Variants in ATP13A5 observed in about 807,000 individuals in gnomAD.
ATP13A5 encodes probable cation-transporting ATPase 13A5.
ATP13A5 carries 149 observed loss-of-function variants against 150.2 expected under a neutral mutation model. The ratio of observed to expected loss-of-function variants is 0.99; its 90% CI spans 0.87 to 1.14. ATP13A5 has a LOEUF of 1.14. Among genes scored for constraint, ATP13A5 ranks in the 50% most tolerant of loss-of-function variants. The pLI is 0.00. For synonymous variants in ATP13A5, 497 were observed against 522.2 expected (o/e 0.95, Z 0.66); for missense variants, 1,383 against 1,449.3 (o/e 0.95, Z 0.74).
chr3:193,291,728 T>C (rs956478091), intron 25 of ATP13A5, among the ~76,000 whole-genome samples: 6 of 151,912 alleles, frequency 3.9e-5, no homozygotes, highest in African/African-American at 7.3e-5. Context: ...CAGTTGAGCT[T>C]CCCTGGTTGG....
At chr3:193,376,425 T>C (rs1274588994) in intron 1 of ATP13A5, among the ~76,000 whole-genome samples, 1 of 152,204 alleles carries the variant, frequency 6.6e-6, no homozygotes. Flanking sequence ...TTAACCAGAC[T>C]GGTCTTGAAC....
chr3:193,335,060 A>G lies in ATP13A5; in HGVS notation c.983T>C (p.Met328Thr), dbSNP rs771680515. 6.2e-7 allele frequency: 1 copy of G among 1,613,890 alleles called. No individual in the cohort carries two copies. Among genetic ancestry groups the G allele is most frequent in the East Asian group, 2.2e-5 (1 of 44,884 alleles). The change falls in exon 10 of 30, where the codon ATG becomes ACG. Residue 328 changes from methionine (M) to threonine (T), a missense_variant. Transcript: ENST00000342358. ...IPVTKTPLPQMENTMPWKCHS... is the reference protein window; with the variant it reads ...IPVTKTPLPQTENTMPWKCHS... ...ACATTTCCAAGGCATAGTGTTCTCCATCTGGGGCAATGGTGTCTTTGTAAC... is the reference window on the plus strand; with the variant it reads ...ACATTTCCAAGGCATAGTGTTCTCCGTCTGGGGCAATGGTGTCTTTGTAAC...
intron 6 of ATP13A5, among the ~76,000 whole-genome samples, chr3:193,353,652 A>G (rs546800890): frequency 6.6e-6 from 1 of 152,306 alleles, no homozygotes; most frequent in South Asian, 2.1e-4. Context: ...CCTTGTAGGA[A>G]GAGGAAGAGA....
chr3:193,275,408 G>T (rs961593653), intron 29 of ATP13A5, 106 bp from the exon 30 acceptor site: 1 of 1,305,702 alleles, frequency 7.7e-7, no homozygotes, highest in Non-Finnish European at 1.1e-6. Flanking sequence ...CCTCTGAGGT[G>T]TGCTCATTGC....
chr3:193,301,067 C>A, intron 24 of ATP13A5, 144 bp downstream of exon 24: 1 of 709,348 alleles, frequency 1.4e-6, no homozygotes, highest in Non-Finnish European at 2.5e-6. Flanking sequence ...ACAGTTACAC[C>A]AGGTTCCTGA....
intron 26 of ATP13A5, among the ~76,000 whole-genome samples, chr3:193,285,801 T>C (rs1462174084): frequency 6.6e-6 from 1 of 152,188 alleles, no homozygotes; most frequent in Non-Finnish European, 1.5e-5. Context: ...CAAACACCTC[T>C]GCATCTGAAA....
chr3:193,362,617 C>G lies in ATP13A5; in HGVS notation c.405G>C (p.Gln135His). ...PELKLRCMEV[Q>H]KIRYVWNDLE... ...GGTCGTTCCAAACATACCTGATTTT[C>G]TGCACTTCCATGCACCGCAGCTACG... The change falls in exon 4 of 30, where the codon CAG becomes CAC. Residue 135 changes from glutamine (Q) to histidine (H), a missense_variant. This residue lies in a region of ATP13A5 where 787 missense variants were observed against 771.9 expected (regional missense o/e 1.02). Transcript: ENST00000342358. 6.2e-7 allele frequency: 1 copy of G among 1,614,206 alleles called. No individual in the cohort carries two copies. Among genetic ancestry groups the G allele is most frequent in the South Asian group, 1.1e-5 (1 of 91,086 alleles).
Position 193,362,357 on chromosome 3 carries a change from C to G in ATP13A5, c.536+24G>C, listed in dbSNP as rs781775880. On this transcript the variant is annotated intron_variant, in intron 5 of 29. Coordinates refer to ENST00000342358, the MANE Select transcript of ATP13A5 (RefSeq NM_198505.4). ...TCATTTTCTGCTGGCAGAGTTTACT[C>G]TTAAGGCATATAATAAGTCCTACCT... 3 of 1,599,174 alleles carry G rather than the reference C, an allele frequency of 1.9e-6. No individual in the cohort carries two copies. In the South Asian group the frequency reaches 3.3e-5, roughly 18 times the overall value.
At chr3:193,378,530 T>G in intron 1 of ATP13A5, 133 bp downstream of exon 1, 2 of 795,882 alleles carry the variant, frequency 2.5e-6, no homozygotes, top group Non-Finnish European at 4.1e-6. Context: ...TAAGGAACCT[T>G]ACCAGACTGA....
chr3:193,308,413 TG>T (rs1228444128), intron 21 of ATP13A5, among the ~76,000 whole-genome samples: 1 of 152,102 alleles, frequency 6.6e-6, no homozygotes, highest in African/African-American at 2.4e-5. Flanking sequence ...GAGCCGATAT[TG>T]CACCGCTGCA....
chr3:193,344,422 C>T (rs59274014), intron 8 of ATP13A5, among the ~76,000 whole-genome samples: 1,524 of 152,254 alleles, frequency 0.01, 22 homozygotes, highest in African/African-American at 0.035. Flanking sequence ...TGAGGCCTTA[C>T]TTAAATTGCC....
In ATP13A5 at chr3:193,285,095, T is replaced by G. The variant is rs145171636; in HGVS notation, c.3045A>C (p.Gln1015His). 693 of 1,613,800 alleles carry G rather than the reference T, an allele frequency of 4.3e-4. 2 individuals are homozygous for G. The African/African-American group carries it at 7.6e-3, about 18-fold the overall frequency. ...AACTCACATTTGTTGAAAAATTACT[T>G]TGGTTGGCCAGAAAACACTCACTAC... ...YQYSECFLAN[Q>H]SNFSTNVSLE... The change falls in exon 27 of 30, where the codon CAA (glutamine) becomes CAC (histidine). Residue 1015 changes from glutamine to histidine, a missense_variant. Coordinates refer to ENST00000342358, the MANE Select transcript of ATP13A5 (RefSeq NM_198505.4).
intron 5 of ATP13A5, among the ~76,000 whole-genome samples, chr3:193,358,179 C>A (rs543971118): frequency 6.6e-6 from 1 of 152,118 alleles, no homozygotes; most frequent in Non-Finnish European, 1.5e-5. Flanking sequence ...CAGGCAGGGA[C>A]GTCTATAGTT....
At chr3:193,316,390 T>C (rs1439526741) in intron 17 of ATP13A5, among the ~76,000 whole-genome samples, 1 of 152,074 alleles carries the variant, frequency 6.6e-6, no homozygotes, top group Non-Finnish European at 1.5e-5. Flanking sequence ...TTAAAAACAT[T>C]CTATTTTTAA....
At chr3:193,290,477 G>T (rs1717907168) in intron 25 of ATP13A5, among the ~76,000 whole-genome samples, 1 of 152,022 alleles carries the variant, frequency 6.6e-6, no homozygotes, top group Non-Finnish European at 1.5e-5. Context: ...AATATAGCCA[G>T]ATTCATCTTC....
At chr3:193,340,128 C>T (rs1236049147) in intron 9 of ATP13A5, among the ~76,000 whole-genome samples, 1 of 152,184 alleles carries the variant, frequency 6.6e-6, no homozygotes, top group Non-Finnish European at 1.5e-5. Flanking sequence ...ACCATCATTG[C>T]TCATAATCAA....
rs762448028 is a variant in ATP13A5, at chr3:193,314,980, A to AT, written c.2149dup (p.Met717AsnfsTer5). 5 of 1,613,330 alleles carry AT rather than the reference A, an allele frequency of 3.1e-6. No individual in the cohort carries two copies. Among genetic ancestry groups the AT allele is most frequent in the Non-Finnish European group, 8.5e-7 (1 of 1,179,576 alleles). On this transcript the variant is annotated frameshift_variant, in exon 18 of 30. Transcript: ENST00000342358. LOFTEE classifies it high-confidence loss of function. ...TAGAAACAAATACATACCTGTAATC[A>AT]TCACAGTCCTGATACGGGCCTCACT...
At chr3:193,321,155 A>T (rs1719260109) in intron 16 of ATP13A5, among the ~76,000 whole-genome samples, 1 of 152,072 alleles carries the variant, frequency 6.6e-6, no homozygotes. Context: ...TCCTTCCCAG[A>T]TGCCTCACTG....
chr3:193,358,524 C>A (rs376213159), intron 5 of ATP13A5, among the ~76,000 whole-genome samples: 6 of 152,322 alleles, frequency 3.9e-5, no homozygotes, highest in Middle Eastern at 3.4e-3. Context: ...ATCTCTATTT[C>A]ATTACAGCTT....
Sources: gnomAD v4.1 joint callset for allele counts (sites outside exome capture counted in the v4.1 genomes callset) on GRCh38, gnomAD v4.1.1 for gene constraint, gnomAD v4.1.1 regional missense constraint, MANE v1.5 for transcripts, NCBI Gene and HGNC (gene_info 2026-07-23, HGNC 2026-07-21) for gene names.